Variants in MYO3B observed in about 807,000 individuals in gnomAD.
MYO3B encodes myosin IIIB, also known as myosin-IIIb.
A neutral mutation model predicts 174.6 loss-of-function variants in MYO3B; 156 were observed. That is an observed-to-expected ratio of 0.89 (90% CI 0.78 to 1.02). The LOEUF (loss-of-function observed/expected upper bound fraction) is 1.02. Ranked by LOEUF, MYO3B falls within the 50% of genes least tolerant of loss-of-function variation. The probability of loss-of-function intolerance (pLI) is 0.00; values close to 1 mark genes in which losing one functional copy is unlikely to be tolerated. For missense variants in MYO3B, 1,632 were observed against 1,639.4 expected, an observed-to-expected ratio of 1.00 and a Z score of 0.08; for synonymous variants, 563 against 569.1, an observed-to-expected ratio of 0.99 and a Z score of 0.15.
At chr2:170,346,507 A>G (rs1574825397) in intron 8 of MYO3B, 1 of 152,116 alleles carries the variant, frequency 6.6e-6, no homozygotes, top group Non-Finnish European at 1.5e-5. Flanking sequence ...AATCACTACA[A>G]TGTCAAGTAT....
rs749585207 is a variant in MYO3B, at chr2:170,383,054, C to T, written c.1069-19C>T. 2.7e-6 allele frequency: 4 copies of T among 1,455,528 alleles called. No homozygotes were observed. The highest frequency in any genetic ancestry group is 1.1e-5 in the South Asian group (1 of 87,686). The allele number at this position is 1,455,528 out of a possible 1,614,324, so 90.2% of individuals were successfully genotyped here. ...ACTGGGAATAATATTTACCTCAATA[C>T]CATTTATCCTCTTCTTAGGATACAA... is the stretch of plus-strand genomic sequence containing the variant. On this transcript the variant is annotated intron_variant, in intron 10 of 34. Coordinates refer to ENST00000408978, the MANE Select transcript of MYO3B (RefSeq NM_138995.5).
chr2:170,359,744 C>T (rs1558922482), intron 8 of MYO3B, among the ~76,000 whole-genome samples: 2 of 152,196 alleles, frequency 1.3e-5, no homozygotes, highest in East Asian at 1.9e-4. Flanking sequence ...TCATGTGAAA[C>T]TCTTGCTCCT....
intron 7 of MYO3B, among the ~76,000 whole-genome samples, chr2:170,251,966 C>T (rs145750474): frequency 1.7e-4 from 26 of 152,296 alleles, no homozygotes; most frequent in Non-Finnish European, 3.2e-4. Context: ...CTCATACATT[C>T]TTACTCCTAA....
In MYO3B at chr2:170,501,985, G is replaced by C. The variant is rs1225921078; in HGVS notation, c.3370+120G>C. On this transcript the variant is annotated intron_variant, in intron 28 of 34. Transcript: ENST00000408978. ...GCACTGGAATGAGTCAAGAGTTCTG[G>C]GAGACAGGAGTCCTAGTGTTCTGAC... 4.6e-6 allele frequency: 3 copies of C among 656,926 alleles called. No individual in the cohort carries two copies. In the East Asian group the frequency reaches 8.5e-5, roughly 19 times the overall value. The allele number at this position is 656,926 out of a possible 1,614,324, so 40.7% of individuals were successfully genotyped here. A position where few individuals can be genotyped will look rare whatever the true frequency, so the allele number is the denominator to read the frequency against.
intron 25 of MYO3B, among the ~76,000 whole-genome samples, chr2:170,494,437 G>A (rs1686709367): frequency 6.6e-6 from 1 of 152,122 alleles, no homozygotes; most frequent in Non-Finnish European, 1.5e-5. Flanking sequence ...GCCATCAGAA[G>A]TTATGTGGGG....
chr2:170,268,392 T>A (rs2093400332), intron 7 of MYO3B, among the ~76,000 whole-genome samples: 1 of 152,090 alleles, frequency 6.6e-6, no homozygotes, highest in Non-Finnish European at 1.5e-5. Context: ...AAAGAAGGAA[T>A]GGTTTGACCT....
chr2:170,266,271 A>G (rs149930276), intron 7 of MYO3B, among the ~76,000 whole-genome samples: 248 of 152,224 alleles, frequency 1.6e-3, no homozygotes, highest in Middle Eastern at 3.4e-3. Context: ...AGAGTAATGG[A>G]TTGAGTGCCT....
chr2:170,639,472 G>A (rs1418006492), intron 32 of MYO3B, among the ~76,000 whole-genome samples: 1 of 152,194 alleles, frequency 6.6e-6, no homozygotes, highest in Non-Finnish European at 1.5e-5. Flanking sequence ...GTGAAAGTAC[G>A]TGGTGGATGA....
chr2:170,629,885 A>G (rs1696800937), intron 32 of MYO3B, among the ~76,000 whole-genome samples: 1 of 152,048 alleles, frequency 6.6e-6, no homozygotes, highest in Non-Finnish European at 1.5e-5. Context: ...ATAATGAACT[A>G]GAATGTAATT....
At chr2:170,597,919 G>A (rs1055456753) in intron 32 of MYO3B, among the ~76,000 whole-genome samples, 2 of 152,150 alleles carry the variant, frequency 1.3e-5, no homozygotes, top group African/African-American at 4.8e-5. Flanking sequence ...TTCTAAAAGG[G>A]TCAAAGGGTC....
chr2:170,630,515 C>T (rs1266268702), intron 32 of MYO3B, among the ~76,000 whole-genome samples: 4 of 152,206 alleles, frequency 2.6e-5, no homozygotes, highest in Non-Finnish European at 4.4e-5. Context: ...CAGATTTAAA[C>T]GTCCCTGTGT....
rs1687619159 is a variant in MYO3B at position 170,506,328 on chromosome 2, C to T, written c.3370+4463C>T. Among the ~76,000 whole-genome samples, 6 of 152,208 alleles carry T rather than the reference C, an allele frequency of 3.9e-5. No individual in the cohort carries two copies. The South Asian group carries it at 1.2e-3, about 31-fold the overall frequency. ...AAACTCTTTCAGTGCAAGGTTTTCT[C>T]CTAGCCTTTTCAAAAGGCTGTTTAA... On this transcript the variant is annotated intron_variant, in intron 28 of 34. Coordinates refer to ENST00000408978, the MANE Select transcript of MYO3B (RefSeq NM_138995.5).
intron 7 of MYO3B, among the ~76,000 whole-genome samples, chr2:170,240,134 C>T (rs1174147455): frequency 6.6e-6 from 1 of 152,150 alleles, no homozygotes; most frequent in Non-Finnish European, 1.5e-5. Context: ...GGATCCTTGC[C>T]TTAATTACAT....
chr2:170,440,269 C>T (rs984343131), intron 22 of MYO3B, among the ~76,000 whole-genome samples: 1 of 151,944 alleles, frequency 6.6e-6, no homozygotes, highest in African/African-American at 2.4e-5. Flanking sequence ...TATTCTGGGT[C>T]CTTTGTGGTT....
intron 32 of MYO3B, among the ~76,000 whole-genome samples, chr2:170,638,541 G>C (rs1182093512): frequency 6.6e-6 from 1 of 152,210 alleles, no homozygotes; most frequent in Non-Finnish European, 1.5e-5. Context: ...GGCTCCAAGA[G>C]GTTAACTGGC....
At chr2:170,299,424 G>A (rs1175883445) in intron 7 of MYO3B, among the ~76,000 whole-genome samples, 1 of 152,052 alleles carries the variant, frequency 6.6e-6, no homozygotes, top group Admixed American at 6.5e-5. Context: ...ATCCTTGATA[G>A]AATTTTACAA....
At chr2:170,267,622 A>G (rs2093394196) in intron 7 of MYO3B, among the ~76,000 whole-genome samples, 1 of 152,200 alleles carries the variant, frequency 6.6e-6, no homozygotes, top group African/African-American at 2.4e-5. Flanking sequence ...AGTGTTATTC[A>G]TTCCAAAGGC....
chr2:170,229,838 GTCT>G (rs1279233372), intron 6 of MYO3B, among the ~76,000 whole-genome samples: 16 of 152,118 alleles, frequency 1.1e-4, no homozygotes, highest in Non-Finnish European at 2.2e-4. Context: ...TATACACCAA[GTCT>G]TTGTGCAAGA....
At chr2:170,333,010 G>T (rs996217045) in intron 7 of MYO3B, among the ~76,000 whole-genome samples, 1 of 152,100 alleles carries the variant, frequency 6.6e-6, no homozygotes, top group African/African-American at 2.4e-5. Flanking sequence ...CTCTACAAAT[G>T]ACTTAGTCAT....
Sources: gnomAD v4.1 joint callset for allele counts (sites outside exome capture counted in the v4.1 genomes callset) on GRCh38, gnomAD v4.1.1 for gene constraint, MANE v1.5 for transcripts, NCBI Gene and HGNC (gene_info 2026-07-23, HGNC 2026-07-21) for gene names.